SHTN1: variants seen among roughly 807,000 people sequenced by gnomAD.
SHTN1 encodes shootin-1.
Under a neutral mutation model 83.1 loss-of-function variants are expected in SHTN1, and 42 were observed. The observed-to-expected ratio is 0.51, with a 90% CI of 0.39 to 0.65. SHTN1 has a LOEUF of 0.65. Ranked by LOEUF, SHTN1 falls within the 30% of genes least tolerant of loss-of-function variation. SHTN1 has a pLI of 0.00. For synonymous variants in SHTN1, 224 were observed against 247.7 expected (o/e 0.90, Z 0.90); for missense variants, 622 against 737.8 (o/e 0.84, Z 1.82).
At position 117,100,945 on chromosome 10, in the gene SHTN1, T is replaced by C. The variant is rs539469847; in HGVS notation, c.-189+25362A>G. On this transcript the variant is annotated intron_variant, in intron 1 of 17. Coordinates refer to the SHTN1 transcript ENST00000392901. ...AAAAGAGGGTGGGGAGTAGTCAAGA[T>C]GGAGTCACACCACAGAGTCACATTA... 7.4e-4 allele frequency among the ~76,000 whole-genome samples: 113 copies of C among 152,306 alleles called. 2 individuals are homozygous for C. In the South Asian group the frequency reaches 0.022, roughly 30 times the overall value.
intron 1 of SHTN1, among the ~76,000 whole-genome samples, chr10:117,085,300 A>C (rs561395096): frequency 6.6e-6 from 1 of 152,030 alleles, no homozygotes; most frequent in Non-Finnish European, 1.5e-5. Flanking sequence ...CCCTCTGAAC[A>C]CTGCTTTTAC....
chr10:117,049,177 T>G (rs1166483227), intron 1 of SHTN1, among the ~76,000 whole-genome samples: 1 of 152,180 alleles, frequency 6.6e-6, no homozygotes, highest in African/African-American at 2.4e-5. Flanking sequence ...TTTGCAGTCA[T>G]GGTTCAGGTC....
chr10:116,940,435 G>A (rs1351835262), intron 9 of SHTN1, 31 bp downstream of exon 9: 5 of 1,608,010 alleles, frequency 3.1e-6, no homozygotes, highest in African/African-American at 2.7e-5. Context: ...ATGTGTGTGT[G>A]TACCTAAGAT....
chr10:117,028,235 T>C (rs1363311812), intron 2 of SHTN1, among the ~76,000 whole-genome samples: 1 of 152,170 alleles, frequency 6.6e-6, no homozygotes, highest in Non-Finnish European at 1.5e-5. Context: ...ATTCAAGATG[T>C]AACCAGGCTG....
At chr10:116,935,212 G>A (rs901209681) in intron 9 of SHTN1, among the ~76,000 whole-genome samples, 30 of 152,202 alleles carry the variant, frequency 2.0e-4, no homozygotes, top group Non-Finnish European at 3.4e-4. Context: ...TTGAATAGGC[G>A]TGGTGAGAGA....
intron 2 of SHTN1, among the ~76,000 whole-genome samples, chr10:116,970,729 A>G (rs937611394): frequency 2.0e-5 from 3 of 151,488 alleles, no homozygotes; most frequent in Non-Finnish European, 2.9e-5. Flanking sequence ...AAAAAAAAAC[A>G]AACCATCATG....
intron 11 of SHTN1, among the ~76,000 whole-genome samples, chr10:116,922,115 A>T (rs1848589104): frequency 6.6e-6 from 1 of 152,196 alleles, no homozygotes; most frequent in Non-Finnish European, 1.5e-5. Flanking sequence ...ATATAAAGAA[A>T]TTCTACAGAT....
At chr10:117,099,007 T>TAC (rs1320426265) in intron 1 of SHTN1, among the ~76,000 whole-genome samples, 1 of 43,090 alleles carries the variant, frequency 2.3e-5, no homozygotes, top group African/African-American at 5.8e-5. Context: ...ATGTGGTATG[T>TAC]ATACACACAC....
At chr10:117,056,931 G>C (rs558550721) in intron 1 of SHTN1, among the ~76,000 whole-genome samples, 19 of 152,238 alleles carry the variant, frequency 1.2e-4, no homozygotes, top group African/African-American at 4.3e-4. Context: ...ATGAAAGACT[G>C]AATGCTTTTG....
intron 3 of SHTN1, among the ~76,000 whole-genome samples, chr10:116,965,940 T>C (rs1014211635): frequency 2.6e-5 from 4 of 152,194 alleles, no homozygotes; most frequent in African/African-American, 9.6e-5. Context: ...TCAAAAGCCA[T>C]GAATTATTTA....
chr10:116,910,481 T>C (rs1453007591), intron 14 of SHTN1, among the ~76,000 whole-genome samples: 1 of 152,230 alleles, frequency 6.6e-6, no homozygotes, highest in East Asian at 1.9e-4. Flanking sequence ...AGTAATGCTG[T>C]AATTCAGTAA....
At position 116,882,540 on chromosome 10, in the gene SHTN1, TTA is replaced by T. The variant is rs1379738521; in HGVS notation, c.*3802_*3803del. ...ATAGATATAATAATATCCAACCACT[TTA>T]TATGATTTAGGGTCTCGTTAAAATG... On this transcript the variant is annotated 3_prime_UTR_variant, in exon 17 of 17. Coordinates refer to ENST00000355371, the MANE Select transcript of SHTN1 (RefSeq NM_001127211.3). 1.3e-5 allele frequency: 2 copies of T among 152,128 alleles called. No homozygotes were observed. The highest frequency in any genetic ancestry group is 1.3e-4 in the Admixed American group (2 of 15,272). The allele number at this position is 152,128 out of a possible 1,614,324, so 9.4% of individuals were successfully genotyped here. A position where few individuals can be genotyped will look rare whatever the true frequency, so the allele number is the denominator to read the frequency against.
chr10:116,971,056 A>C (rs1192200448), intron 2 of SHTN1, among the ~76,000 whole-genome samples: 1 of 152,194 alleles, frequency 6.6e-6, no homozygotes, highest in Non-Finnish European at 1.5e-5. Flanking sequence ...TTTTAAAAAT[A>C]AGTAAGAAGC....
chr10:116,985,169 C>G (rs1292613337), intron 1 of SHTN1, among the ~76,000 whole-genome samples: 1 of 152,150 alleles, frequency 6.6e-6, no homozygotes, highest in African/African-American at 2.4e-5. Context: ...TTCTTCCTAC[C>G]CGATTCACTG....
chr10:116,919,974 G>C (rs1848497687), intron 12 of SHTN1, among the ~76,000 whole-genome samples: 1 of 152,150 alleles, frequency 6.6e-6, no homozygotes, highest in South Asian at 2.1e-4. Context: ...GAAAGCAGTG[G>C]GATGCTGCCA....
intron 3 of SHTN1, among the ~76,000 whole-genome samples, chr10:116,967,761 A>T (rs1281898653): frequency 6.6e-6 from 1 of 152,222 alleles, no homozygotes; most frequent in Non-Finnish European, 1.5e-5. Flanking sequence ...TACTGTAAAG[A>T]TGTAAGTGTC....
intron 1 of SHTN1, among the ~76,000 whole-genome samples, chr10:116,989,546 C>A (rs1851344236): frequency 6.6e-6 from 1 of 152,156 alleles, no homozygotes; most frequent in Non-Finnish European, 1.5e-5. Context: ...TATCCTCCCC[C>A]TCGTTCCTGC....
chr10:117,004,058 T>C (rs552958402), intron 1 of SHTN1, among the ~76,000 whole-genome samples: 2 of 152,090 alleles, frequency 1.3e-5, no homozygotes, highest in East Asian at 3.9e-4. Flanking sequence ...CGGCTAATTT[T>C]GTATTTTTAG....
At chr10:116,998,299 G>A (rs556827091) in intron 1 of SHTN1, among the ~76,000 whole-genome samples, 16 of 151,978 alleles carry the variant, frequency 1.1e-4, no homozygotes, top group Admixed American at 3.3e-4. Context: ...TCTTTCCATC[G>A]GCTCTTGTGT....
Sources: allele counts gnomAD v4.1 joint callset (sites outside exome capture counted in the v4.1 genomes callset), GRCh38; gene constraint gnomAD v4.1.1; transcripts MANE v1.5; gene names NCBI Gene and HGNC (gene_info 2026-07-23, HGNC 2026-07-21).